RC3H2: variants seen among roughly 807,000 people sequenced by gnomAD.
RC3H2 encodes roquin-2.
A neutral mutation model predicts 133.3 loss-of-function variants in RC3H2; 31 were observed. The observed-to-expected ratio is 0.23, with a 90% CI of 0.17 to 0.31. The LOEUF is 0.31. RC3H2 is among the 10% of genes least tolerant of loss of function. RC3H2 has a pLI of 1.00. For synonymous variants in RC3H2, 517 were observed against 502.2 expected (o/e 1.03, Z -0.40); for missense variants, 1,175 against 1,437.2 (o/e 0.82, Z 2.95).
intron 4 of RC3H2, among the ~76,000 whole-genome samples, chr9:122,888,005 A>G (rs1399865201): frequency 6.6e-6 from 1 of 152,018 alleles, no homozygotes; most frequent in Non-Finnish European, 1.5e-5. Context: ...TCGGCCTCCC[A>G]AAGTGCTGGG....
intron 4 of RC3H2, among the ~76,000 whole-genome samples, chr9:122,888,205 T>A (rs537486974): frequency 3.3e-4 from 51 of 152,344 alleles, no homozygotes; most frequent in African/African-American, 1.2e-3. Context: ...GGATTTATTA[T>A]ATATTCCACT....
intron 10 of RC3H2, among the ~76,000 whole-genome samples, chr9:122,862,647 C>G (rs965203734): frequency 1.3e-4 from 20 of 152,134 alleles, no homozygotes; most frequent in African/African-American, 4.8e-4. Flanking sequence ...GTAATCCCAG[C>G]CTTTTGGGAG....
At position 122,844,694 on chromosome 9, in the gene RC3H2, C is replaced by T. The variant is rs993302420; in HGVS notation, c.*4933G>A. ...AACAGCCAAAGCTAATATCTCTTCA[C>T]TTCAGTGCTACAGCAAAAACACACA... On this transcript the variant is annotated 3_prime_UTR_variant, in exon 21 of 21. Coordinates refer to ENST00000357244, the MANE Select transcript of RC3H2 (RefSeq NM_001100588.3). 9 of 152,202 alleles carry T rather than the reference C, an allele frequency of 5.9e-5. No individual in the cohort carries two copies. Among genetic ancestry groups the T allele is most frequent in the African/African-American group, 2.2e-4 (9 of 41,448 alleles). 9.4% of individuals were successfully genotyped at this position (152,202 alleles called of 1,614,324 possible). A position where few individuals can be genotyped will look rare whatever the true frequency, so the allele number is the denominator to read the frequency against.
intron 9 of RC3H2, among the ~76,000 whole-genome samples, chr9:122,867,499 T>C (rs1212056824): frequency 2.3e-5 from 3 of 131,644 alleles, no homozygotes; most frequent in Non-Finnish European, 3.3e-5. Flanking sequence ...CTGTCGGGGA[T>C]GTGAGGGGCG....
At chr9:122,862,301 A>T (rs1490834762) in intron 10 of RC3H2, among the ~76,000 whole-genome samples, 1 of 152,216 alleles carries the variant, frequency 6.6e-6, no homozygotes, top group African/African-American at 2.4e-5. Flanking sequence ...AACTTATAGA[A>T]AAAGCTAATC....
intron 9 of RC3H2, among the ~76,000 whole-genome samples, chr9:122,875,906 A>C (rs1346818219): frequency 6.6e-6 from 1 of 152,216 alleles, no homozygotes; most frequent in Non-Finnish European, 1.5e-5. Context: ...TCTACAGGAC[A>C]ATGAGAGGCT....
At chr9:122,880,308 C>T (rs374216611) in intron 6 of RC3H2, 183 bp from the exon 7 acceptor site, 2 of 836,478 alleles carry the variant, frequency 2.4e-6, no homozygotes, top group Non-Finnish European at 4.1e-6. Context: ...TCATTAGACA[C>T]TTAGAAAACT....
chr9:122,875,379 T>TA (rs1364594169), intron 9 of RC3H2: 5 of 1,535,938 alleles, frequency 3.3e-6, no homozygotes, highest in Non-Finnish European at 4.4e-6. Context: ...TTATGTAAGA[T>TA]AGACAAACAT....
At chr9:122,867,963 G>A (rs1447109016) in intron 9 of RC3H2, among the ~76,000 whole-genome samples, 1 of 43,134 alleles carries the variant, frequency 2.3e-5, no homozygotes, top group African/African-American at 7.6e-5. Context: ...CCCCCCGCCC[G>A]GCCAGCCGCC....
At chr9:122,868,839 ATGTGTGTGTG>A (rs36205979) in intron 9 of RC3H2, among the ~76,000 whole-genome samples, 5,262 of 118,636 alleles carry the variant, frequency 0.044, 214 homozygotes, top group East Asian at 0.14. Context: ...TCCCTCCTAT[ATGTGTGTGTG>A]TGTGTGTGTG....
At chr9:122,865,294 G>A in intron 10 of RC3H2, 55 bp downstream of exon 10, 1 of 1,432,458 alleles carries the variant, frequency 7.0e-7, no homozygotes, top group Non-Finnish European at 9.6e-7. Flanking sequence ...AAAACACTCA[G>A]GCATTTCTAA....
rs1829827008 is a variant in RC3H2, at chr9:122,844,596, ACATGT to A, written c.*5026_*5030del. On this transcript the variant is annotated 3_prime_UTR_variant, in exon 21 of 21. Transcript: ENST00000357244. ...ATAATTTTATTTTGTGCATGCAAAT[ACATGT>A]CAAGTACTGCAAACTTTTTCCATCA... 6.6e-6 allele frequency: 1 copy of A among 152,258 alleles called. No individual in the cohort carries two copies. The highest frequency in any genetic ancestry group is 2.4e-5 in the African/African-American group (1 of 41,468). 9.4% of individuals were successfully genotyped at this position (152,258 alleles called of 1,614,324 possible).
chr9:122,858,582 A>G (rs1057006716), intron 12 of RC3H2, 87 bp downstream of exon 12: 3 of 1,076,194 alleles, frequency 2.8e-6, no homozygotes, highest in Non-Finnish European at 2.7e-6. Context: ...ACAATTAGTA[A>G]GTGGAGGAGC....
intron 1 of RC3H2, among the ~76,000 whole-genome samples, chr9:122,899,241 G>A (rs555680052): frequency 1.3e-4 from 19 of 151,624 alleles, no homozygotes; most frequent in African/African-American, 4.1e-4. Context: ...TAACTGGGAC[G>A]GCACCCACCA....
chr9:122,905,225 C>T lies in RC3H2; in HGVS notation c.-183G>A, dbSNP rs2131521514. 1.0e-6 allele frequency: 1 copy of T among 985,530 alleles called. No individual in the cohort carries two copies. The highest frequency in any genetic ancestry group is 1.2e-6 in the Non-Finnish European group (1 of 829,948). 61.0% of individuals were successfully genotyped at this position (985,530 alleles called of 1,614,324 possible). On this transcript the variant is annotated 5_prime_UTR_variant, in exon 1 of 21. Coordinates refer to ENST00000357244, the MANE Select transcript of RC3H2 (RefSeq NM_001100588.3). ...GCAGAGCTCGGCGGAGGTTTCACGA[C>T]CTCAAACTCCATCGGGAGCTACAGG...
At chr9:122,865,698 A>T in intron 9 of RC3H2, 41 bp from the exon 10 acceptor site, 2 of 1,564,842 alleles carry the variant, frequency 1.3e-6, no homozygotes, top group Non-Finnish European at 1.7e-6. Context: ...ATATTTCACT[A>T]AATCTTACTC....
Position 122,859,150 on chromosome 9 carries a change from A to G in RC3H2, c.1850-48T>C, listed in dbSNP as rs1346277983. On this transcript the variant is annotated intron_variant, in intron 11 of 20. Transcript: ENST00000357244. ...ATTTAATGTAATCTTAGTACAATCCAACATTTTATAATGGCTTAAATCTAA... is the reference window on the plus strand; with the variant it reads ...ATTTAATGTAATCTTAGTACAATCCGACATTTTATAATGGCTTAAATCTAA... 3 of 1,400,576 alleles carry G rather than the reference A, an allele frequency of 2.1e-6. No homozygotes were observed. The East Asian group carries it at 7.4e-5, about 34-fold the overall frequency. The allele number at this position is 1,400,576 out of a possible 1,614,324, so 86.8% of individuals were successfully genotyped here. A position where few individuals can be genotyped will look rare whatever the true frequency, so the allele number is the denominator to read the frequency against.
At chr9:122,853,348 CCT>C (rs1830120726) in intron 18 of RC3H2, among the ~76,000 whole-genome samples, 1 of 148,416 alleles carries the variant, frequency 6.7e-6, no homozygotes, top group Non-Finnish European at 1.5e-5. Context: ...GCCAAATCCC[CCT>C]CTGTGAGAAA....
In RC3H2 at chr9:122,859,977, G is replaced by C; in HGVS notation, c.1789C>G (p.Gln597Glu). The change falls in exon 11 of 21, where the codon CAG (glutamine) becomes GAG (glutamate). Residue 597 changes from glutamine to glutamate, a missense_variant. Gln to Glu is a conservative substitution (Grantham distance 29). Transcript: ENST00000357244. ...PVYPPHSENIQYFQDPRTQIP... is the reference protein window; with the variant it reads ...PVYPPHSENIEYFQDPRTQIP... The stretch of plus-strand genomic sequence containing the variant: ...TGAGTCCTTGGATCTTGAAAATACT[G>C]AATGTTTTCAGAATGCGGAGGATAT... The C allele has an allele frequency of 2.5e-6, 4 of 1,614,090 alleles. No individual in the cohort carries two copies. The highest frequency in any genetic ancestry group is 3.4e-6 in the Non-Finnish European group (4 of 1,179,964).
Sources: allele counts gnomAD v4.1 joint callset (sites outside exome capture counted in the v4.1 genomes callset), GRCh38; gene constraint gnomAD v4.1.1; transcripts MANE v1.5; gene names NCBI Gene and HGNC (gene_info 2026-07-23, HGNC 2026-07-21).